The following SLC14A2 variants were observed in gnomAD, a reference collection of about 807,000 sequenced individuals.
The protein encoded by SLC14A2 is solute carrier family 14 member 2.
Under a neutral mutation model 104.6 loss-of-function variants are expected in SLC14A2, and 91 were observed. The observed-to-expected ratio is 0.87, with a 90% CI of 0.73 to 1.04. SLC14A2 has a LOEUF of 1.04. SLC14A2 is among the 50% of genes least tolerant of loss of function. SLC14A2 has a pLI of 0.00. For synonymous variants in SLC14A2, 476 were observed against 466.4 expected (o/e 1.02, Z -0.27); for missense variants, 1,189 against 1,156.0 (o/e 1.03, Z -0.41).
At chr18:45,462,166 G>T (rs914060769) in intron 1 of SLC14A2, among the ~76,000 whole-genome samples, 1 of 152,164 alleles carries the variant, frequency 6.6e-6, no homozygotes, top group African/African-American at 2.4e-5. Flanking sequence ...TCCCTCTTCA[G>T]CAGTTTCAAA....
Position 45,607,513 on chromosome 18 carries a change from A to G in SLC14A2, c.-34-17118A>G, listed in dbSNP as rs186080408. Among the ~76,000 whole-genome samples the G allele has an allele frequency of 6.6e-4, 101 of 152,302 alleles. 1 individual carries two copies. Among genetic ancestry groups the G allele is most frequent in the Non-Finnish European group, 8.8e-5 (6 of 68,018 alleles). ...CCTTTCACCAAGAACCTTTTCCTCC[A>G]TAAAAAGTATACCTTTTTTGGGTTC... On this transcript the variant is annotated intron_variant, in intron 2 of 20. Coordinates refer to the SLC14A2 transcript ENST00000586448.
At chr18:45,612,032 C>T (rs1270456047), upstream of SLC14A2, among the ~76,000 whole-genome samples, 2 of 152,174 alleles carry the variant, frequency 1.3e-5, no homozygotes, top group Non-Finnish European at 2.9e-5. Context: ...TGCTATACTT[C>T]AAGAAAACAA....
rs563439306 is a variant in SLC14A2, at chr18:45,384,770, G to A, written c.-124-98463G>A. ...AAGCCACAAAAAAACTGAGGACCCA[G>A]GAGGGTATGTGTATGTGTGATTGTT... is the stretch of plus-strand genomic sequence containing the variant. On this transcript the variant is annotated intron_variant, in intron 1 of 20. Coordinates refer to the SLC14A2 transcript ENST00000586448. Among the ~76,000 whole-genome samples, 29 of 152,340 alleles carry A rather than the reference G, an allele frequency of 1.9e-4. 1 individual carries two copies. In the East Asian group the frequency reaches 5.2e-3, roughly 27 times the overall value.
At chr18:45,318,255 G>A (rs2085149717) in intron 1 of SLC14A2, among the ~76,000 whole-genome samples, 1 of 152,094 alleles carries the variant, frequency 6.6e-6, no homozygotes, top group Non-Finnish European at 1.5e-5. Flanking sequence ...GACCTGGAGA[G>A]GACCAGCCAG....
chr18:45,186,160 C>G, the SLC14A2 span, among the ~76,000 whole-genome samples: 5 of 152,232 alleles, frequency 3.3e-5, no homozygotes, highest in Admixed American at 3.3e-4. Context: ...GTACCTACAA[C>G]CGAAAACAAC....
At chr18:45,584,900 C>T (rs2044545671) in intron 2 of SLC14A2, among the ~76,000 whole-genome samples, 1 of 152,196 alleles carries the variant, frequency 6.6e-6, no homozygotes, top group Non-Finnish European at 1.5e-5. Flanking sequence ...CGCAGCAGAT[C>T]TTAGTGGGAG....
chr18:45,633,587 G>A (rs1568306735), intron 5 of SLC14A2, among the ~76,000 whole-genome samples: 1 of 152,198 alleles, frequency 6.6e-6, no homozygotes, highest in South Asian at 2.1e-4. Context: ...TCACTGTCAT[G>A]GTGAACCTTT....
chr18:45,511,641 T>C (rs2043366972), intron 2 of SLC14A2, among the ~76,000 whole-genome samples: 1 of 152,184 alleles, frequency 6.6e-6, no homozygotes, highest in African/African-American at 2.4e-5. Flanking sequence ...CAGGAAAAGC[T>C]TGCAGGATGA....
At chr18:45,198,862 A>T in the SLC14A2 span, among the ~76,000 whole-genome samples, 1 of 141,788 alleles carries the variant, frequency 7.1e-6, no homozygotes, top group Non-Finnish European at 1.6e-5. Context: ...AGATAAAGAG[A>T]AGCATATTTT....
At chr18:45,368,259 A>G (rs773681934) in intron 1 of SLC14A2, among the ~76,000 whole-genome samples, 1 of 152,192 alleles carries the variant, frequency 6.6e-6, no homozygotes, top group Non-Finnish European at 1.5e-5. Flanking sequence ...CTTTGAATGT[A>G]TAATTTGCCT....
intron 1 of SLC14A2, among the ~76,000 whole-genome samples, chr18:45,305,254 C>G (rs1361297541): frequency 6.6e-6 from 1 of 152,160 alleles, no homozygotes; most frequent in African/African-American, 2.4e-5. Context: ...GTCTGAGGTC[C>G]CTGAGCCTAT....
chr18:45,390,668 T>C (rs1208695516), intron 1 of SLC14A2, among the ~76,000 whole-genome samples: 1 of 151,970 alleles, frequency 6.6e-6, no homozygotes, highest in Non-Finnish European at 1.5e-5. Flanking sequence ...ACGGAAGGGG[T>C]ACAATTTCAG....
At chr18:45,426,621 CATAT>C (rs1013182047) in intron 1 of SLC14A2, among the ~76,000 whole-genome samples, 1 of 147,234 alleles carries the variant, frequency 6.8e-6, no homozygotes, top group African/African-American at 2.5e-5. Context: ...TATATATACA[CATAT>C]ATATACTATA....
At chr18:45,557,851 G>A (rs1048821806) in intron 2 of SLC14A2, among the ~76,000 whole-genome samples, 3 of 152,108 alleles carry the variant, frequency 2.0e-5, no homozygotes, top group Non-Finnish European at 4.4e-5. Context: ...TAGGCACTTA[G>A]GAGAGACCCT....
intron 1 of SLC14A2, among the ~76,000 whole-genome samples, chr18:45,225,778 T>C (rs1400216946): frequency 6.6e-6 from 1 of 152,188 alleles, no homozygotes; most frequent in Non-Finnish European, 1.5e-5. Context: ...ACTCATGATT[T>C]GGCTCTCTGT....
chr18:45,237,859 A>G (rs1337633262), intron 1 of SLC14A2, among the ~76,000 whole-genome samples: 1 of 152,172 alleles, frequency 6.6e-6, no homozygotes, highest in Non-Finnish European at 1.5e-5. Context: ...GCTCCCACAG[A>G]CTTCCATTGT....
chr18:45,598,573 T>A (rs1358906878), intron 2 of SLC14A2, among the ~76,000 whole-genome samples: 2 of 152,216 alleles, frequency 1.3e-5, no homozygotes, highest in African/African-American at 4.8e-5. Flanking sequence ...ATAGTATGCA[T>A]TTTTTTCTCC....
intron 12 of SLC14A2, 93 bp downstream of exon 12, chr18:45,666,312 C>A: frequency 1.3e-6 from 1 of 790,926 alleles, no homozygotes. Flanking sequence ...CAAGGTTCTC[C>A]GATTTAGGCA....
chr18:45,263,949 A>G (rs1299203699), intron 1 of SLC14A2, among the ~76,000 whole-genome samples: 1 of 152,190 alleles, frequency 6.6e-6, no homozygotes, highest in Non-Finnish European at 1.5e-5. Flanking sequence ...GGCATTAGGT[A>G]TACCCATTGC....
Sources: allele counts gnomAD v4.1 joint callset (sites outside exome capture counted in the v4.1 genomes callset), GRCh38; gene constraint gnomAD v4.1.1; transcripts MANE v1.5; gene names NCBI Gene and HGNC (gene_info 2026-07-23, HGNC 2026-07-21).